Variants in ACHE observed in about 807,000 individuals in gnomAD.
The protein encoded by ACHE is acetylcholinesterase.
Under a neutral mutation model 53.9 loss-of-function variants are expected in ACHE, and 19 were observed. That is an observed-to-expected ratio of 0.35 (90% CI 0.25 to 0.52). ACHE has a LOEUF of 0.52. Among genes scored for constraint, ACHE ranks in the 20% least tolerant of loss-of-function variants. The pLI is 0.95. For missense variants in ACHE, 605 were observed against 849.4 expected (o/e 0.71, Z 3.58); for synonymous variants, 392 against 378.1 (o/e 1.04, Z -0.43).
At chr7:100,890,613 G>T in intron 4 of ACHE, 2 of 1,363,262 alleles carry the variant, frequency 1.5e-6, no homozygotes, top group Middle Eastern at 2.8e-4. Flanking sequence ...GGAGGGGGAG[G>T]TTGGGGGAAA....
Position 100,894,069 on chromosome 7 carries a change from G to A in ACHE, c.164C>T (p.Thr55Ile). Reference protein sequence around the residue: ...GGRLRGIRLKTPGGPVSAFLG... With the variant: ...GGRLRGIRLKIPGGPVSAFLG... ...GAAAGCAGAGACAGGGCCCCCGGGGGTCTTCAGGCGAATGCCCCGCAGCCG... is the reference window on the plus strand; with the variant it reads ...GAAAGCAGAGACAGGGCCCCCGGGGATCTTCAGGCGAATGCCCCGCAGCCG... Residue 55 changes from threonine (T) to isoleucine (I), a missense_variant, in exon 2 of 5, where the codon ACC becomes ATC. Coordinates refer to ENST00000241069, the MANE Select transcript of ACHE (RefSeq NM_000665.5). 6.4e-7 allele frequency: 1 copy of A among 1,557,710 alleles called. No individual in the cohort carries two copies. Among genetic ancestry groups the A allele is most frequent in the East Asian group, 2.3e-5 (1 of 44,124 alleles).
chr7:100,894,308 G>A (rs1407290393), intron 1 of ACHE, 56 bp from the exon 2 acceptor site: 2 of 1,276,644 alleles, frequency 1.6e-6, no homozygotes, highest in Non-Finnish European at 2.1e-6. Context: ...CCAGGAGGGA[G>A]GAGATTAGGG....
At chr7:100,895,423 C>T (rs1265722202) in intron 1 of ACHE, among the ~76,000 whole-genome samples, 3 of 368 alleles carry the variant, frequency 8.2e-3, no homozygotes, top group Non-Finnish European at 0.017. Context: ...CGCAGGGGCG[C>T]TGGCTTGTGG....
rs763034170 is a variant in ACHE, at chr7:100,891,342, C to A, written c.1554-4G>T. 3 of 1,538,584 alleles carry A rather than the reference C, an allele frequency of 1.9e-6. No homozygotes were observed. In the Admixed American group the frequency reaches 6.0e-5, roughly 31 times the overall value. ...GTCTCGGGGCTCATTGGGATCCCTG[C>A]GGAAGGAAGGGAAGGCTCAGTCCAG... is the stretch of plus-strand genomic sequence containing the variant. On this transcript the variant is annotated splice_region_variant and splice_polypyrimidine_tract_variant and intron_variant, in intron 3 of 4. Coordinates refer to ENST00000241069, the MANE Select transcript of ACHE (RefSeq NM_000665.5).
Position 100,892,177 on chromosome 7 carries a change from TCTCCC to T in ACHE, c.1553+152_1553+156del, listed in dbSNP as rs1790739210. On this transcript the variant is annotated intron_variant, in intron 3 of 4. Coordinates refer to ENST00000241069, the MANE Select transcript of ACHE (RefSeq NM_000665.5). The surrounding 1 kb of genome is among the most constrained non-coding windows in gnomAD (Gnocchi z 5.2). The stretch of plus-strand genomic sequence containing the variant: ...GCCTTCTCTGTCTCCTTTCTTTTTC[TCTCCC>T]CTTTTATCTACTTTGTGAGCATATC... Among the ~76,000 whole-genome samples the T allele has an allele frequency of 6.6e-6, 1 of 151,648 alleles. No individual in the cohort carries two copies. The highest frequency in any genetic ancestry group is 1.5e-5 in the Non-Finnish European group (1 of 67,940).
Position 100,890,620 on chromosome 7 carries a change from G to C in ACHE, c.1724-285C>G, listed in dbSNP as rs975116205. The C allele has an allele frequency of 3.7e-6, 5 of 1,358,208 alleles. 1 individual carries two copies. Among genetic ancestry groups the C allele is most frequent in the Non-Finnish European group, 2.8e-6 (3 of 1,053,930 alleles). 84.1% of individuals were successfully genotyped at this position (1,358,208 alleles called of 1,614,324 possible). ...AGGGGACAGGAGGGGGAGGTTGGGG[G>C]AAAAAGAAGAGACAGAAATGGTTGA... On this transcript the variant is annotated intron_variant, in intron 4 of 4. Coordinates refer to ENST00000241069, the MANE Select transcript of ACHE (RefSeq NM_000665.5).
chr7:100,894,204 G>T lies in ACHE; in HGVS notation c.29C>A (p.Thr10Lys). The change falls in exon 2 of 5, where the codon ACG (threonine) becomes AAG (lysine). Residue 10 changes from threonine to lysine, a missense_variant. By Grantham distance (78) the Thr-to-Lys change is moderately conservative. Around this residue, in one of 4 missense-constraint regions of ACHE, gnomAD observed 89 missense variants for 78.9 expected, o/e 1.13. Coordinates refer to ENST00000241069, the MANE Select transcript of ACHE (RefSeq NM_000665.5). ...AAGGAGTGGGGAAGCCAGGGAAGGC[G>T]TGTGCAGCAGACACTGCGGGGGCCT... Reference protein sequence around the residue: MRPPQCLLHTPSLASPLLLL... With the variant: MRPPQCLLHKPSLASPLLLL... 1.4e-6 allele frequency: 2 copies of T among 1,468,368 alleles called. No individual in the cohort carries two copies. Among genetic ancestry groups the T allele is most frequent in the African/African-American group, 1.4e-5 (1 of 71,166 alleles). 91.0% of individuals were successfully genotyped at this position (1,468,368 alleles called of 1,614,324 possible).
At position 100,892,361 on chromosome 7, in the gene ACHE, C is replaced by T. The variant is rs749032132; in HGVS notation, c.1526G>A (p.Arg509Gln). The T allele has an allele frequency of 2.0e-5, 31 of 1,517,014 alleles. No homozygotes were observed. The highest frequency in any genetic ancestry group is 7.0e-5 in the African/African-American group (5 of 71,642). The allele number at this position is 1,517,014 out of a possible 1,614,324, so 94.0% of individuals were successfully genotyped here. A position where few individuals can be genotyped will look rare whatever the true frequency, so the allele number is the denominator to read the frequency against. The change falls in exon 3 of 5, where the codon CGA becomes CAA. Residue 509 changes from arginine (R) to glutamine (Q), a missense_variant. Physicochemically the swap from Arg to Gln is conservative, Grantham distance 43. This residue lies in a region of ACHE where 397 missense variants were observed against 632.5 expected (regional missense o/e 0.63). Coordinates refer to ENST00000241069, the MANE Select transcript of ACHE (RefSeq NM_000665.5). The surrounding 1 kb of genome is among the most constrained non-coding windows in gnomAD (Gnocchi z 5.2). ...TGTGCGGGCAAAGTTGGCCCAGTAT[C>T]GCATCAGTCGCTGGGCGAAGATTTT... ...EEKIFAQRLM[R>Q]YWANFARTGD...
chr7:100,890,720 A>G, intron 4 of ACHE: 1 of 1,332,112 alleles, frequency 7.5e-7, no homozygotes, highest in Non-Finnish European at 9.6e-7. Context: ...CTCAGGTTCC[A>G]AAAGATAATT....
rs1294380674 is a variant in ACHE at position 100,892,743 on chromosome 7, CGTT to C, written c.1141_1143del (p.Asn381del). ...AACTCGGCCCGGCTGATGAGAGACT[CGTT>C]GTCTTTGCTGAAGCCTGGGGCCCCG... On this transcript the variant is annotated inframe_deletion, in exon 3 of 5. Transcript: ENST00000241069. The surrounding 1 kb of genome is among the most constrained non-coding windows in gnomAD (Gnocchi z 5.2). 5 of 1,612,580 alleles carry C rather than the reference CGTT, an allele frequency of 3.1e-6. No individual in the cohort carries two copies. The highest frequency in any genetic ancestry group is 1.3e-5 in the African/African-American group (1 of 74,884).
intron 4 of ACHE, chr7:100,890,663 G>T: frequency 1.5e-6 from 2 of 1,367,876 alleles, no homozygotes; most frequent in Non-Finnish European, 1.9e-6. Context: ...AGCCCCAATG[G>T]GGGGTGCTAC....
intron 3 of ACHE, 26 bp from the exon 4 acceptor site, chr7:100,891,364 C>A (rs1194661668): frequency 2.0e-6 from 3 of 1,504,132 alleles, no homozygotes; most frequent in South Asian, 1.3e-5. Flanking sequence ...AAGGCTCAGT[C>A]CAGACGGGCA....
intron 4 of ACHE, chr7:100,890,886 T>C: frequency 1.4e-6 from 2 of 1,463,366 alleles, no homozygotes; most frequent in Non-Finnish European, 1.8e-6. Context: ...GATCCCTGAG[T>C]GGGGCCCTTC....
Position 100,892,547 on chromosome 7 carries a change from C to T in ACHE, c.1340G>A (p.Gly447Glu). Residue 447 changes from glycine to glutamate, a missense_variant, in exon 3 of 5, where the codon GGG (glycine) becomes GAG (glutamate). By Grantham distance (98) the Gly-to-Glu change is moderately conservative. This residue lies in a region of ACHE where 397 missense variants were observed against 632.5 expected (regional missense o/e 0.63). Transcript: ENST00000241069. The surrounding 1 kb of genome is among the most constrained non-coding windows in gnomAD (Gnocchi z 5.2). ...CCGGGCACCCTGGGCAGCCAGTCGC[C>T]CAGCCAGCTGGGCCACGGGGCACAC... is the stretch of plus-strand genomic sequence containing the variant. The part of the protein sequence containing the change: ...NVVCPVAQLA[G>E]RLAAQGARVY... The T allele has an allele frequency of 1.2e-6, 2 of 1,610,894 alleles. No homozygotes were observed. Among genetic ancestry groups the T allele is most frequent in the Non-Finnish European group, 1.7e-6 (2 of 1,177,852 alleles).
rs1790568772 is a variant in ACHE at position 100,890,079 on chromosome 7, G to T, written c.*135C>A. 4 of 1,108,320 alleles carry T rather than the reference G, an allele frequency of 3.6e-6. No individual in the cohort carries two copies. Among genetic ancestry groups the T allele is most frequent in the Non-Finnish European group, 5.1e-6 (4 of 790,902 alleles). The allele number at this position is 1,108,320 out of a possible 1,614,324, so 68.7% of individuals were successfully genotyped here. On this transcript the variant is annotated 3_prime_UTR_variant, in exon 5 of 5. Coordinates refer to ENST00000241069, the MANE Select transcript of ACHE (RefSeq NM_000665.5). Reference sequence around the variant, plus strand: ...GCCTGAGACATGCAGAGGACCGGGAGCCCCGGGGGACGTCGGGGTGGGGTG... The same window carrying T: ...GCCTGAGACATGCAGAGGACCGGGATCCCCGGGGGACGTCGGGGTGGGGTG...
rs575414164 is a variant in ACHE at position 100,892,096 on chromosome 7, G to T, written c.1553+238C>A. ...AGCCACTGTGCCCCGCCCCCTCCAT[G>T]TCTACCTCGTCTCCTCCTCACTTTC... On this transcript the variant is annotated intron_variant, in intron 3 of 4. Coordinates refer to ENST00000241069, the MANE Select transcript of ACHE (RefSeq NM_000665.5). This position sits in a 1 kb window ranked among gnomAD's most constrained non-coding sequence, Gnocchi z 5.2. 1.3e-5 allele frequency among the ~76,000 whole-genome samples: 2 copies of T among 151,806 alleles called. No individual in the cohort carries two copies. The highest frequency in any genetic ancestry group is 2.9e-5 in the Non-Finnish European group (2 of 67,940).
chr7:100,894,324 T>C, intron 1 of ACHE, 72 bp from the exon 2 acceptor site: 1 of 1,137,804 alleles, frequency 8.8e-7, no homozygotes, highest in Non-Finnish European at 1.2e-6. Context: ...TAGGGCACTG[T>C]CGGCCCAAGG....
At position 100,890,060 on chromosome 7, in the gene ACHE, G is replaced by T; in HGVS notation, c.*154C>A. Reference sequence around the variant, plus strand: ...CCGCGGGGGAGGGAGCTCAGCCTGAGACATGCAGAGGACCGGGAGCCCCGG... The same window carrying T: ...CCGCGGGGGAGGGAGCTCAGCCTGATACATGCAGAGGACCGGGAGCCCCGG... On this transcript the variant is annotated 3_prime_UTR_variant, in exon 5 of 5. Transcript: ENST00000241069. The T allele has an allele frequency of 1.1e-6, 1 of 891,680 alleles. No homozygotes were observed. Among genetic ancestry groups the T allele is most frequent in the Non-Finnish European group, 1.7e-6 (1 of 601,318 alleles). The allele number at this position is 891,680 out of a possible 1,614,324, so 55.2% of individuals were successfully genotyped here.
chr7:100,891,378 G>T, intron 3 of ACHE, 40 bp from the exon 4 acceptor site: 2 of 1,489,096 alleles, frequency 1.3e-6, no homozygotes, highest in Non-Finnish European at 1.8e-6. Flanking sequence ...ACGGGCAGTG[G>T]GAGGAGGTGG....
Sources: gnomAD v4.1 joint callset for allele counts (sites outside exome capture counted in the v4.1 genomes callset) on GRCh38, gnomAD v4.1.1 for gene constraint, gnomAD v4.1.1 regional missense constraint, Gnocchi (gnomAD v3.1) non-coding constraint, MANE v1.5 for transcripts, NCBI Gene and HGNC (gene_info 2026-07-23, HGNC 2026-07-21) for gene names.